The following CHCHD3 variants were observed in gnomAD, a reference collection of about 807,000 sequenced individuals.
CHCHD3 encodes the protein coiled-coil-helix-coiled-coil-helix domain containing 3.
A neutral mutation model predicts 38.2 loss-of-function variants in CHCHD3; 20 were observed. The observed-to-expected ratio is 0.52, with a 90% CI of 0.37 to 0.76. The LOEUF (loss-of-function observed/expected upper bound fraction) is 0.76. Ranked by LOEUF, CHCHD3 falls within the 30% of genes least tolerant of loss-of-function variation. The probability of loss-of-function intolerance (pLI) is 0.00; values close to 1 mark genes in which losing one functional copy is unlikely to be tolerated. For missense variants in CHCHD3, 245 were observed against 279.2 expected (o/e 0.88, Z 0.87); for synonymous variants, 82 against 100.0 (o/e 0.82, Z 1.07).
intron 4 of CHCHD3, among the ~76,000 whole-genome samples, chr7:132,886,096 A>C (rs1032858519): frequency 1.3e-5 from 2 of 152,140 alleles, no homozygotes; most frequent in African/African-American, 4.8e-5. Context: ...CCTGGGCATA[A>C]GATACATGGC....
At chr7:132,893,649 T>A (rs773440799) in intron 4 of CHCHD3, among the ~76,000 whole-genome samples, 4 of 152,208 alleles carry the variant, frequency 2.6e-5, no homozygotes, top group Non-Finnish European at 5.9e-5. Flanking sequence ...AATCTCCACG[T>A]GTCAAGGGAC....
chr7:132,959,630 G>A (rs1001884631), intron 4 of CHCHD3, among the ~76,000 whole-genome samples: 1 of 151,468 alleles, frequency 6.6e-6, no homozygotes, highest in Non-Finnish European at 1.5e-5. Context: ...GGTTGAGGTG[G>A]GAGAATCACT....
At chr7:133,023,138 C>A (rs751867040) in intron 3 of CHCHD3, among the ~76,000 whole-genome samples, 6 of 151,956 alleles carry the variant, frequency 3.9e-5, no homozygotes, top group Non-Finnish European at 7.4e-5. Context: ...TATAGTCTAT[C>A]AACCTAACCC....
intron 6 of CHCHD3, among the ~76,000 whole-genome samples, chr7:132,838,117 A>G (rs181292009): frequency 2.6e-4 from 39 of 152,290 alleles, no homozygotes; most frequent in Middle Eastern, 3.4e-3. Context: ...AGAGCATTCT[A>G]TTTTATATAT....
At chr7:132,947,807 A>G (rs1441711483) in intron 4 of CHCHD3, among the ~76,000 whole-genome samples, 3 of 152,064 alleles carry the variant, frequency 2.0e-5, no homozygotes, top group Non-Finnish European at 4.4e-5. Context: ...TTAAAAAAAA[A>G]TCTATCAGGT....
intron 4 of CHCHD3, among the ~76,000 whole-genome samples, chr7:132,971,054 T>C (rs575491152): frequency 6.6e-6 from 1 of 152,230 alleles, no homozygotes; most frequent in South Asian, 2.1e-4. Flanking sequence ...AAAATATAAC[T>C]GCAAAGTCAA....
At chr7:132,898,213 G>A (rs1249499831) in intron 4 of CHCHD3, among the ~76,000 whole-genome samples, 2 of 152,180 alleles carry the variant, frequency 1.3e-5, no homozygotes, top group Non-Finnish European at 2.9e-5. Flanking sequence ...TCCACAGTGT[G>A]GAAAGGGACC....
At chr7:133,025,769 G>T (rs933228721) in intron 2 of CHCHD3, among the ~76,000 whole-genome samples, 2 of 152,352 alleles carry the variant, frequency 1.3e-5, no homozygotes, top group South Asian at 4.1e-4. Context: ...CTCCCAAAGT[G>T]CTGGGATTAC....
rs539100049 is a variant in CHCHD3 at position 132,940,040 on chromosome 7, T to G, written c.369+35129A>C. Among the ~76,000 whole-genome samples, 7 of 152,252 alleles carry G rather than the reference T, an allele frequency of 4.6e-5. No individual in the cohort carries two copies. In the South Asian group the frequency reaches 1.5e-3, roughly 32 times the overall value. On this transcript the variant is annotated intron_variant, in intron 4 of 7. Transcript: ENST00000262570. ...TGAGTGATCGAAGGAAAAAACATAA[T>G]ACATTTGTCACTCCCATTAGCAATA...
intron 2 of CHCHD3, among the ~76,000 whole-genome samples, chr7:133,040,548 A>G (rs751116820): frequency 1.4e-4 from 22 of 152,118 alleles, no homozygotes; most frequent in Non-Finnish European, 2.4e-4. Context: ...ACACCCCTCT[A>G]TATATCTCAG....
intron 4 of CHCHD3, among the ~76,000 whole-genome samples, chr7:132,947,855 T>A (rs1585664568): frequency 6.6e-6 from 1 of 152,160 alleles, no homozygotes; most frequent in East Asian, 1.9e-4. Flanking sequence ...TGAAATTTGA[T>A]TTCCTCCTAT....
chr7:132,850,497 C>T (rs1808193613), intron 5 of CHCHD3, among the ~76,000 whole-genome samples: 1 of 148,510 alleles, frequency 6.7e-6, no homozygotes, highest in African/African-American at 2.5e-5. Flanking sequence ...AATAGGAATC[C>T]TAGATTCATT....
intron 2 of CHCHD3, among the ~76,000 whole-genome samples, chr7:133,042,364 A>G (rs1333930868): frequency 6.6e-6 from 1 of 152,074 alleles, no homozygotes; most frequent in Admixed American, 6.5e-5. Context: ...ACAAAGACAC[A>G]CCTCCAAGGC....
At chr7:133,025,202 C>T (rs933751693) in intron 2 of CHCHD3, among the ~76,000 whole-genome samples, 3 of 152,162 alleles carry the variant, frequency 2.0e-5, no homozygotes, top group Admixed American at 2.0e-4. Context: ...TGGAGAGAGA[C>T]AGAGAAGAGT....
At chr7:133,072,146 G>C (rs907323205) in intron 1 of CHCHD3, among the ~76,000 whole-genome samples, 1 of 150,118 alleles carries the variant, frequency 6.7e-6, no homozygotes, top group African/African-American at 2.5e-5. Context: ...CTCCAGCTTG[G>C]GCAACAGAGC....
chr7:132,796,397 T>C (rs1370636815), intron 7 of CHCHD3, 45 bp downstream of exon 7: 1 of 1,607,654 alleles, frequency 6.2e-7, no homozygotes, highest in Non-Finnish European at 8.5e-7. Flanking sequence ...GTCATCCAGT[T>C]TTCAATTTGC....
chr7:132,938,936 GA>G (rs1810697014), intron 4 of CHCHD3, among the ~76,000 whole-genome samples: 1 of 152,196 alleles, frequency 6.6e-6, no homozygotes, highest in Non-Finnish European at 1.5e-5. Context: ...TATCCCTGGT[GA>G]GTGTCATTCT....
In CHCHD3 at chr7:133,041,314, T is replaced by C. The variant is rs147135725; in HGVS notation, c.170-16687A>G. ...ACCCAAATCCCTATATAAATAACAC[T>C]CAAATTTCAAATAACAAGGAATTTA... On this transcript the variant is annotated intron_variant, in intron 2 of 7. Transcript: ENST00000262570. Among the ~76,000 whole-genome samples, 12 of 152,280 alleles carry C rather than the reference T, an allele frequency of 7.9e-5. No individual in the cohort carries two copies. In the East Asian group the frequency reaches 1.7e-3, roughly 22 times the overall value.
chr7:133,070,376 C>G (rs1235050162), intron 1 of CHCHD3, 147 bp from the exon 2 acceptor site: 4 of 632,806 alleles, frequency 6.3e-6, no homozygotes, highest in Non-Finnish European at 1.1e-5. Flanking sequence ...GCCATAAAAC[C>G]AGAAGGAAGA....
Sources: gnomAD v4.1 joint callset for allele counts (sites outside exome capture counted in the v4.1 genomes callset) on GRCh38, gnomAD v4.1.1 for gene constraint, MANE v1.5 for transcripts, NCBI Gene and HGNC (gene_info 2026-07-23, HGNC 2026-07-21) for gene names.